Variants in DTNBP1 observed in about 807,000 individuals in gnomAD.
The protein encoded by DTNBP1 is dystrobrevin binding protein 1.
Under a neutral mutation model 42.8 loss-of-function variants are expected in DTNBP1, and 35 were observed. The observed-to-expected ratio is 0.82, with a 90% CI of 0.63 to 1.09. The LOEUF (loss-of-function observed/expected upper bound fraction) is 1.09. DTNBP1 is among the 50% of genes least tolerant of loss of function. DTNBP1 has a pLI of 0.00. For synonymous variants in DTNBP1, 171 were observed against 162.2 expected, an observed-to-expected ratio of 1.05 and a Z score of -0.41; for missense variants, 457 against 424.2, an observed-to-expected ratio of 1.08 and a Z score of -0.68.
chr6:15,527,338 C>T (rs570498792), intron 8 of DTNBP1, among the ~76,000 whole-genome samples: 2 of 152,128 alleles, frequency 1.3e-5, no homozygotes, highest in African/African-American at 4.8e-5. Context: ...TAAGAGAAAT[C>T]GAAATCCCAT....
At chr6:15,530,407 T>C (rs551280422) in intron 8 of DTNBP1, among the ~76,000 whole-genome samples, 2 of 152,342 alleles carry the variant, frequency 1.3e-5, no homozygotes, top group South Asian at 2.1e-4. Flanking sequence ...ATGTGCCTGA[T>C]TTTTACCTTA....
intron 6 of DTNBP1, among the ~76,000 whole-genome samples, chr6:15,612,331 A>G (rs1195004854): frequency 1.3e-5 from 2 of 152,230 alleles, no homozygotes; most frequent in African/African-American, 4.8e-5. Flanking sequence ...CTGTATAAAC[A>G]TAATTTTTAT....
At chr6:15,561,560 T>C (rs1270564699) in intron 7 of DTNBP1, among the ~76,000 whole-genome samples, 2 of 152,192 alleles carry the variant, frequency 1.3e-5, no homozygotes, top group African/African-American at 4.8e-5. Context: ...GGGAATATCA[T>C]CACCCCATTC....
At chr6:15,601,947 T>C (rs559011765) in intron 6 of DTNBP1, among the ~76,000 whole-genome samples, 7 of 150,724 alleles carry the variant, frequency 4.6e-5, no homozygotes, top group Non-Finnish European at 1.0e-4. Flanking sequence ...TGGGGGAAAA[T>C]GTCCCTCTTT....
At chr6:15,536,442 G>A (rs1456774429) in intron 7 of DTNBP1, among the ~76,000 whole-genome samples, 1 of 152,248 alleles carries the variant, frequency 6.6e-6, no homozygotes, top group African/African-American at 2.4e-5. Context: ...TACAGCCGTG[G>A]CTAAAAGGGG....
At chr6:15,613,965 A>T (rs1335471207) in intron 6 of DTNBP1, among the ~76,000 whole-genome samples, 1 of 152,178 alleles carries the variant, frequency 6.6e-6, no homozygotes, top group Admixed American at 6.5e-5. Context: ...TTGTGGAATA[A>T]GGAGTCATTT....
chr6:15,658,688 G>T (rs1319706703), intron 1 of DTNBP1, among the ~76,000 whole-genome samples: 3 of 152,194 alleles, frequency 2.0e-5, no homozygotes, highest in African/African-American at 7.2e-5. Flanking sequence ...CAGCTCAAAA[G>T]GTAAAAGTCA....
chr6:15,542,468 T>G (rs909975414), intron 7 of DTNBP1, among the ~76,000 whole-genome samples: 3 of 152,040 alleles, frequency 2.0e-5, no homozygotes, highest in African/African-American at 7.2e-5. Flanking sequence ...GCCTCCCTGG[T>G]TCAAGCCATT....
chr6:15,529,144 G>A (rs1772633267), intron 8 of DTNBP1, among the ~76,000 whole-genome samples: 1 of 152,132 alleles, frequency 6.6e-6, no homozygotes, highest in South Asian at 2.1e-4. Flanking sequence ...AATTAGCCCG[G>A]CATGGTGGTG....
At position 15,651,326 on chromosome 6, in the gene DTNBP1, C is replaced by G. The variant is rs769110897; in HGVS notation, c.148G>C (p.Glu50Gln). ...PFLPKYSAGL[E>Q]LLSRYEDTWA... ...TGAAACACTTACCTGCTAAGTAATTCTAATCCAGCAGAGTACTTTGGCAAA... is the reference window on the plus strand; with the variant it reads ...TGAAACACTTACCTGCTAAGTAATTGTAATCCAGCAGAGTACTTTGGCAAA... Residue 50 changes from glutamate (E) to glutamine (Q), a missense_variant, in exon 3 of 10, where the codon GAA (glutamate) becomes CAA (glutamine). Coordinates refer to ENST00000344537, the MANE Select transcript of DTNBP1 (RefSeq NM_032122.5). 8.1e-6 allele frequency: 13 copies of G among 1,611,172 alleles called. No individual in the cohort carries two copies. The South Asian group carries it at 1.4e-4, about 18-fold the overall frequency.
At chr6:15,577,516 A>T (rs1055784272) in intron 7 of DTNBP1, among the ~76,000 whole-genome samples, 2 of 152,184 alleles carry the variant, frequency 1.3e-5, no homozygotes, top group African/African-American at 4.8e-5. Flanking sequence ...GCAAGAGAGG[A>T]CTCATGCAGC....
intron 4 of DTNBP1, among the ~76,000 whole-genome samples, chr6:15,627,931 G>A (rs80314752): frequency 0.032 from 4,842 of 152,164 alleles, 114 homozygotes; most frequent in Non-Finnish European, 0.053. Flanking sequence ...AATATACCAT[G>A]TTTCAATTTA....
intron 7 of DTNBP1, among the ~76,000 whole-genome samples, chr6:15,574,820 T>C (rs1441925576): frequency 6.6e-6 from 1 of 152,198 alleles, no homozygotes; most frequent in Non-Finnish European, 1.5e-5. Flanking sequence ...TTTCTCTCAA[T>C]TAAAACAAAG....
At chr6:15,523,815 C>T (rs995788619) in intron 9 of DTNBP1, 17 of 1,287,108 alleles carry the variant, frequency 1.3e-5, no homozygotes, top group African/African-American at 3.0e-5. Flanking sequence ...CCCAGGATGA[C>T]ACCGTTCTGA....
intron 7 of DTNBP1, among the ~76,000 whole-genome samples, chr6:15,584,988 A>C (rs1776005244): frequency 1.4e-5 from 2 of 146,652 alleles, no homozygotes; most frequent in South Asian, 4.2e-4. Flanking sequence ...TAAATACCAC[A>C]CAGAGATGTC....
intron 7 of DTNBP1, among the ~76,000 whole-genome samples, chr6:15,541,207 G>T (rs566933898): frequency 1.3e-5 from 2 of 152,280 alleles, no homozygotes; most frequent in South Asian, 4.1e-4. Context: ...ACAGCTAAGA[G>T]ACATTTGCCC....
rs1404878681 is a variant in DTNBP1 at position 15,592,965 on chromosome 6, T to C, written c.511+94A>G. ...AGTTTTACTGTTTTATGTAAACTGATTTTAAAAAATGAGTTTGTTCATCAT... is the reference window on the plus strand; with the variant it reads ...AGTTTTACTGTTTTATGTAAACTGACTTTAAAAAATGAGTTTGTTCATCAT... On this transcript the variant is annotated intron_variant, in intron 7 of 9. Transcript: ENST00000344537. 4.1e-5 allele frequency: 52 copies of C among 1,275,662 alleles called. No homozygotes were observed. The East Asian group carries it at 1.2e-3, about 30-fold the overall frequency. 79.0% of individuals were successfully genotyped at this position (1,275,662 alleles called of 1,614,324 possible). A position where few individuals can be genotyped will look rare whatever the true frequency, so the allele number is the denominator to read the frequency against.
chr6:15,576,773 A>C (rs1429523821), intron 7 of DTNBP1, among the ~76,000 whole-genome samples: 1 of 151,152 alleles, frequency 6.6e-6, no homozygotes, highest in East Asian at 1.9e-4. Flanking sequence ...TGTCTCTAAA[A>C]AAAAAAAAAA....
intron 6 of DTNBP1, among the ~76,000 whole-genome samples, chr6:15,610,344 G>A (rs1012015560): frequency 6.6e-6 from 1 of 152,150 alleles, no homozygotes; most frequent in African/African-American, 2.4e-5. Flanking sequence ...TGTTCTGACT[G>A]CTCCACTGAC....
Sources: allele counts gnomAD v4.1 joint callset (sites outside exome capture counted in the v4.1 genomes callset), GRCh38; gene constraint gnomAD v4.1.1; transcripts MANE v1.5; gene names NCBI Gene and HGNC (gene_info 2026-07-23, HGNC 2026-07-21).